The following SMOC1 variants were observed in gnomAD, a reference collection of about 807,000 sequenced individuals.
The protein encoded by SMOC1 is SPARC related modular calcium binding 1.
In SMOC1, 22 loss-of-function variants were observed where a neutral mutation model predicts 56.3. That is an observed-to-expected ratio of 0.39 (90% CI 0.28 to 0.56). The LOEUF (loss-of-function observed/expected upper bound fraction) is 0.56, where lower values mean the gene tolerates loss of function less well. Ranked by LOEUF, SMOC1 falls within the 20% of genes least tolerant of loss-of-function variation. SMOC1 has a pLI of 0.61. For missense variants in SMOC1, 509 were observed against 565.4 expected (o/e 0.90, Z 1.01); for synonymous variants, 193 against 215.0 (o/e 0.90, Z 0.89).
At chr14:69,894,675 C>T (rs912336729) in intron 1 of SMOC1, among the ~76,000 whole-genome samples, 3 of 152,080 alleles carry the variant, frequency 2.0e-5, no homozygotes, top group African/African-American at 7.2e-5. Flanking sequence ...GGGTGATGGA[C>T]GTGGATGGTC....
intron 1 of SMOC1, among the ~76,000 whole-genome samples, chr14:69,884,648 A>G (rs1348158606): frequency 6.6e-6 from 1 of 152,298 alleles, no homozygotes; most frequent in East Asian, 1.9e-4. Flanking sequence ...ATTCTTCTGC[A>G]TGTGGATATC....
chr14:69,976,333 T>C (rs1883951699), intron 4 of SMOC1, among the ~76,000 whole-genome samples: 1 of 152,230 alleles, frequency 6.6e-6, no homozygotes, highest in Non-Finnish European at 1.5e-5. Context: ...TAAATCTGAC[T>C]GATCAACAGC....
intron 7 of SMOC1, among the ~76,000 whole-genome samples, chr14:70,001,966 C>G (rs927769492): frequency 1.3e-5 from 2 of 152,312 alleles, no homozygotes; most frequent in East Asian, 1.9e-4. Flanking sequence ...CCAGACCCTT[C>G]GATAGGAGTA....
At chr14:69,944,141 A>G (rs1279430323) in intron 1 of SMOC1, among the ~76,000 whole-genome samples, 1 of 152,210 alleles carries the variant, frequency 6.6e-6, no homozygotes, top group Non-Finnish European at 1.5e-5. Flanking sequence ...TTCTGCCCTC[A>G]GGGAGCTTAC....
At chr14:69,977,574 G>A (rs114403654) in intron 4 of SMOC1, among the ~76,000 whole-genome samples, 3,020 of 152,274 alleles carry the variant, frequency 0.02, 88 homozygotes, top group African/African-American at 0.069. Flanking sequence ...CTGGTGAGAA[G>A]TTGGGGAGAT....
At chr14:70,001,325 C>T (rs1416186455) in intron 7 of SMOC1, among the ~76,000 whole-genome samples, 2 of 152,080 alleles carry the variant, frequency 1.3e-5, no homozygotes, top group Non-Finnish European at 1.5e-5. Flanking sequence ...CCTCTGTTTG[C>T]CACTGAGGGG....
At chr14:69,888,960 T>A (rs777032461) in intron 1 of SMOC1, among the ~76,000 whole-genome samples, 1 of 152,192 alleles carries the variant, frequency 6.6e-6, no homozygotes, top group South Asian at 2.1e-4. Flanking sequence ...AAAACGATGA[T>A]GCCAGTGACT....
intron 1 of SMOC1, among the ~76,000 whole-genome samples, chr14:69,922,932 C>T (rs930063335): frequency 1.4e-5 from 2 of 147,784 alleles, no homozygotes; most frequent in African/African-American, 2.6e-5. Flanking sequence ...TCTCAGCCCT[C>T]TTTTTTTTGT....
rs551699241 is a variant in SMOC1 at position 69,918,220 on chromosome 14, C to CTA, written c.100-33902_100-33901dup. 3.6e-3 allele frequency among the ~76,000 whole-genome samples: 524 copies of CTA among 147,250 alleles called. 4 individuals are homozygous for CTA. The highest frequency in any genetic ancestry group is 0.012 in the African/African-American group (460 of 39,086). On this transcript the variant is annotated intron_variant, in intron 1 of 11. Coordinates refer to ENST00000361956, the MANE Select transcript of SMOC1 (RefSeq NM_001034852.3). ...GTGTAATAGGTTCCCAGAACTTACC[C>CTA]TATATATATATATATATTTTTTTTT...
At chr14:69,952,393 A>G (rs1200239081) in intron 2 of SMOC1, 90 bp downstream of exon 2, 4 of 1,495,040 alleles carry the variant, frequency 2.7e-6, no homozygotes, top group Admixed American at 1.7e-5. Context: ...AGCTTGGAGT[A>G]AGTCTGTCCA....
At chr14:69,936,050 TC>T in intron 1 of SMOC1, among the ~76,000 whole-genome samples, 1 of 152,178 alleles carries the variant, frequency 6.6e-6, no homozygotes, top group Non-Finnish European at 1.5e-5. Context: ...TCCACATCCC[TC>T]CCCTACCTGA....
In SMOC1 at chr14:69,902,761, C is replaced by G. The variant is rs59691011; in HGVS notation, c.99+22984C>G. Among the ~76,000 whole-genome samples, 21 of 152,272 alleles carry G rather than the reference C, an allele frequency of 1.4e-4. No individual in the cohort carries two copies. The East Asian group carries it at 2.1e-3, about 15-fold the overall frequency. On this transcript the variant is annotated intron_variant, in intron 1 of 11. Transcript: ENST00000361956. ...CCTGCCGAGTGCCTGCGATTGCAGG[C>G]GCGCGCCGCCACGCCTGACTGGTTT...
intron 6 of SMOC1, among the ~76,000 whole-genome samples, chr14:69,994,011 A>T (rs1374272941): frequency 6.6e-6 from 1 of 152,102 alleles, no homozygotes; most frequent in Non-Finnish European, 1.5e-5. Flanking sequence ...TTCCCCTAGA[A>T]TGGTCTCTGT....
At chr14:69,930,207 T>TCCCA (rs1324751581) in intron 1 of SMOC1, among the ~76,000 whole-genome samples, 57 of 151,432 alleles carry the variant, frequency 3.8e-4, no homozygotes, top group African/African-American at 1.3e-3. Context: ...ACAGCACCCT[T>TCCCA]CTCACCCCCC....
intron 7 of SMOC1, among the ~76,000 whole-genome samples, chr14:69,997,922 C>T (rs1266577375): frequency 6.6e-6 from 1 of 152,134 alleles, no homozygotes; most frequent in Non-Finnish European, 1.5e-5. Flanking sequence ...AGCTCTTCTT[C>T]TCAGCTGTCT....
At chr14:69,976,314 A>G (rs563655994) in intron 4 of SMOC1, among the ~76,000 whole-genome samples, 34 of 152,354 alleles carry the variant, frequency 2.2e-4, no homozygotes, top group South Asian at 1.9e-3. Flanking sequence ...TTTTCGTAAC[A>G]GTGGCCCTTA....
chr14:69,994,787 TAAA>T (rs1312312653), intron 7 of SMOC1, among the ~76,000 whole-genome samples: 3 of 152,190 alleles, frequency 2.0e-5, no homozygotes, highest in African/African-American at 2.4e-5. Flanking sequence ...TGACTGGACA[TAAA>T]GAAGTTGGAC....
chr14:69,947,173 T>C (rs1411165275), intron 1 of SMOC1, among the ~76,000 whole-genome samples: 3 of 151,330 alleles, frequency 2.0e-5, no homozygotes, highest in Non-Finnish European at 4.4e-5. Context: ...TCTTTTCTTT[T>C]CTTTGCTCCT....
intron 7 of SMOC1, among the ~76,000 whole-genome samples, chr14:70,005,639 A>G (rs1266594854): frequency 6.6e-6 from 1 of 151,822 alleles, no homozygotes; most frequent in Non-Finnish European, 1.5e-5. Context: ...TGTTTTTTCT[A>G]TTGTGTTTCT....
Sources: gnomAD v4.1 joint callset for allele counts (sites outside exome capture counted in the v4.1 genomes callset) on GRCh38, gnomAD v4.1.1 for gene constraint, MANE v1.5 for transcripts, NCBI Gene and HGNC (gene_info 2026-07-23, HGNC 2026-07-21) for gene names.